Variants in RFX8 observed in about 807,000 individuals in gnomAD.
RFX8 encodes the protein regulatory factor X8, also known as DNA-binding protein RFX8.
In RFX8, 46 loss-of-function variants were observed where a neutral mutation model predicts 54.6. The ratio of observed to expected loss-of-function variants is 0.84; its 90% CI spans 0.67 to 1.08. The LOEUF is 1.08. Ranked by LOEUF, RFX8 falls within the 50% of genes least tolerant of loss-of-function variation. The probability of loss-of-function intolerance (pLI) is 0.00; values close to 1 mark genes in which losing one functional copy is unlikely to be tolerated. For missense variants in RFX8, 536 were observed against 562.3 expected (o/e 0.95, Z 0.47); for synonymous variants, 192 against 209.5 (o/e 0.92, Z 0.72).
rs564773205 is a variant in RFX8, at chr2:101,398,304, T to C, written c.1246-580A>G. On this transcript the variant is annotated intron_variant, in intron 11 of 11. Transcript: ENST00000428343. ...TTAGGGAAAGGCAGTTTGTGAGAAA[T>C]GTCCTCGTGAGAGCAAACCAACACT... Among the ~76,000 whole-genome samples, 24 of 152,206 alleles carry C rather than the reference T, an allele frequency of 1.6e-4. No homozygotes were observed. The South Asian group carries it at 5.0e-3, about 32-fold the overall frequency.
intron 2 of RFX8, among the ~76,000 whole-genome samples, chr2:101,429,723 T>C (rs1170866300): frequency 2.6e-5 from 4 of 152,074 alleles, no homozygotes; most frequent in Non-Finnish European, 5.9e-5. Context: ...GTCCGTCCAC[T>C]CCAAGTCAGC....
intron 2 of RFX8, among the ~76,000 whole-genome samples, chr2:101,458,586 G>A (rs1267370178): frequency 6.6e-6 from 1 of 152,174 alleles, no homozygotes. Context: ...TCTGCTGTTA[G>A]TCTGATGGGC....
chr2:101,400,781 T>C (rs897593739), intron 11 of RFX8, among the ~76,000 whole-genome samples: 24 of 152,330 alleles, frequency 1.6e-4, no homozygotes, highest in African/African-American at 5.1e-4. Context: ...CCAGCATGAA[T>C]GCTGGCCCTG....
intron 2 of RFX8, among the ~76,000 whole-genome samples, chr2:101,438,747 A>T (rs1440910218): frequency 6.6e-6 from 1 of 152,168 alleles, no homozygotes; most frequent in Admixed American, 6.5e-5. Context: ...GGGTGCTGTC[A>T]CTACTTTTTA....
At chr2:101,457,630 A>G (rs889355521) in intron 2 of RFX8, among the ~76,000 whole-genome samples, 30 of 152,160 alleles carry the variant, frequency 2.0e-4, no homozygotes, top group Non-Finnish European at 3.5e-4. Context: ...ACTTCCAATT[A>G]TGTGATCAAT....
intron 2 of RFX8, among the ~76,000 whole-genome samples, chr2:101,461,473 C>T (rs182124445): frequency 3.3e-5 from 5 of 152,144 alleles, no homozygotes; most frequent in South Asian, 2.1e-4. Context: ...TCCAGATGCA[C>T]GTCTTAAGTA....
chr2:101,423,540 C>T (rs550541881), intron 2 of RFX8, among the ~76,000 whole-genome samples: 48 of 152,220 alleles, frequency 3.2e-4, no homozygotes, highest in African/African-American at 9.4e-4. Context: ...AGCAGCCAAC[C>T]CTGCTACGCC....
Position 101,466,877 on chromosome 2 carries a change from C to T in RFX8, c.-29G>A. On this transcript the variant is annotated 5_prime_UTR_variant, in exon 2 of 12. Transcript: ENST00000428343. ...ACAGCGAGGGACGCTGCACTCTTCG[C>T]AAATGCAGAAGTTGTCGACCAACCT... 6.5e-7 allele frequency: 1 copy of T among 1,530,936 alleles called. No individual in the cohort carries two copies. Among genetic ancestry groups the T allele is most frequent in the Non-Finnish European group, 8.9e-7 (1 of 1,128,084 alleles). 94.8% of individuals were successfully genotyped at this position (1,530,936 alleles called of 1,614,324 possible).
At chr2:101,446,472 C>A (rs1573448392) in intron 2 of RFX8, among the ~76,000 whole-genome samples, 2 of 117,778 alleles carry the variant, frequency 1.7e-5, no homozygotes, top group Middle Eastern at 8.5e-3. Flanking sequence ...CCGCTCCCAG[C>A]CAAGTTGATC....
chr2:101,469,062 AT>A (rs1689778393), intron 1 of RFX8, among the ~76,000 whole-genome samples: 2 of 21,700 alleles, frequency 9.2e-5, no homozygotes, highest in African/African-American at 1.3e-4. Flanking sequence ...ATACGTATAT[AT>A]ATGTATATAT....
At chr2:101,402,379 C>T (rs778369560) in intron 11 of RFX8, 57 bp downstream of exon 11, 2 of 1,335,446 alleles carry the variant, frequency 1.5e-6, no homozygotes, top group African/African-American at 1.5e-5. Flanking sequence ...TACTAATCAC[C>T]TGTGGCTCTT....
intron 2 of RFX8, among the ~76,000 whole-genome samples, chr2:101,457,105 T>C (rs1689014532): frequency 6.6e-6 from 1 of 152,222 alleles, no homozygotes; most frequent in South Asian, 2.1e-4. Context: ...CTTTCTTCTT[T>C]ATTAGTCTTG....
intron 1 of RFX8, among the ~76,000 whole-genome samples, chr2:101,471,641 G>A (rs1452475533): frequency 6.6e-6 from 1 of 152,136 alleles, no homozygotes; most frequent in Non-Finnish European, 1.5e-5. Flanking sequence ...TCAGATCACT[G>A]TTCTTCATTC....
chr2:101,418,757 G>T, intron 5 of RFX8, 94 bp downstream of exon 5: 1 of 752,808 alleles, frequency 1.3e-6, no homozygotes, highest in African/African-American at 1.7e-5. Flanking sequence ...GAGGACCATG[G>T]AGACTGCAGA....
chr2:101,399,208 C>G (rs1685292647), intron 11 of RFX8, among the ~76,000 whole-genome samples: 1 of 152,184 alleles, frequency 6.6e-6, no homozygotes, highest in Non-Finnish European at 1.5e-5. Context: ...GAGGCTGCCA[C>G]AGCTGTGCAG....
chr2:101,469,026 A>ATG (rs1211586503), intron 1 of RFX8, among the ~76,000 whole-genome samples: 7 of 60,662 alleles, frequency 1.2e-4, no homozygotes, highest in African/African-American at 3.8e-4. Flanking sequence ...AGGTATATAT[A>ATG]TATACGTATA....
intron 10 of RFX8, among the ~76,000 whole-genome samples, chr2:101,404,598 T>C (rs1012770165): frequency 1.3e-5 from 2 of 151,864 alleles, no homozygotes; most frequent in African/African-American, 4.8e-5. Context: ...GCTAATTTTT[T>C]TTTTTTTTCG....
At chr2:101,442,079 C>T (rs1410412166) in intron 2 of RFX8, among the ~76,000 whole-genome samples, 1 of 152,180 alleles carries the variant, frequency 6.6e-6, no homozygotes, top group Non-Finnish European at 1.5e-5. Context: ...GTATAGTTCT[C>T]ATAGTGGTCA....
chr2:101,446,606 C>T (rs1013848441), intron 2 of RFX8, among the ~76,000 whole-genome samples: 1 of 152,136 alleles, frequency 6.6e-6, no homozygotes, highest in Non-Finnish European at 1.5e-5. Flanking sequence ...TCTTCCTCAC[C>T]GATGATAAAG....
Sources: allele counts gnomAD v4.1 joint callset (sites outside exome capture counted in the v4.1 genomes callset), GRCh38; gene constraint gnomAD v4.1.1; transcripts MANE v1.5; gene names NCBI Gene and HGNC (gene_info 2026-07-23, HGNC 2026-07-21).